Variants in OPA1 observed in about 807,000 individuals in gnomAD.
The protein encoded by OPA1 is OPA1 mitochondrial dynamin like GTPase, also known as dynamin-like GTPase OPA1, mitochondrial.
A neutral mutation model predicts 152.9 loss-of-function variants in OPA1; 59 were observed. The ratio of observed to expected loss-of-function variants is 0.39; its 90% CI spans 0.31 to 0.48. OPA1 has a LOEUF of 0.48. Ranked by LOEUF, OPA1 falls within the 20% of genes least tolerant of loss-of-function variation. The pLI, the probability that OPA1 is intolerant of heterozygous loss-of-function variation, is 0.96. For missense variants in OPA1, 1,008 were observed against 1,216.8 expected, an observed-to-expected ratio of 0.83 and a Z score of 2.55; for synonymous variants, 400 against 389.9, an observed-to-expected ratio of 1.03 and a Z score of -0.31.
At chr3:193,616,635 G>T (rs80049615) in intron 3 of OPA1, among the ~76,000 whole-genome samples, 10 of 152,084 alleles carry the variant, frequency 6.6e-5, no homozygotes, top group Non-Finnish European at 1.2e-4. Context: ...TCTTTTCTTA[G>T]TTGGCCACTG....
chr3:193,668,785 G>T, intron 29 of OPA1: 1 of 1,190,124 alleles, frequency 8.4e-7, no homozygotes, highest in Non-Finnish European at 1.1e-6. Context: ...CTTTGTCACT[G>T]TTTGGGGTTG....
chr3:193,644,681 C>G (rs531008243), intron 16 of OPA1, among the ~76,000 whole-genome samples: 1 of 152,076 alleles, frequency 6.6e-6, no homozygotes, highest in African/African-American at 2.4e-5. Context: ...TAAGGCCTGC[C>G]GTGGCATTAA....
intron 6 of OPA1, among the ~76,000 whole-genome samples, chr3:193,625,439 C>T (rs928581755): frequency 5.3e-5 from 8 of 151,634 alleles, no homozygotes; most frequent in African/African-American, 1.9e-4. Context: ...CAAAACAGCT[C>T]ATAAAAAGTG....
intron 11 of OPA1, among the ~76,000 whole-genome samples, chr3:193,642,305 C>T (rs1733901264): frequency 6.6e-6 from 1 of 152,198 alleles, no homozygotes; most frequent in Non-Finnish European, 1.5e-5. Flanking sequence ...GGACAGTCAG[C>T]TCTGTGTTTC....
At chr3:193,628,124 A>AT in intron 7 of OPA1, among the ~76,000 whole-genome samples, 1 of 152,066 alleles carries the variant, frequency 6.6e-6, no homozygotes, top group East Asian at 1.9e-4. Flanking sequence ...AATTCATGAG[A>AT]TTTTTATCAT....
At position 193,596,353 on chromosome 3, in the gene OPA1, TTTC is replaced by T. The variant is rs1487179486; in HGVS notation, c.32+2947_32+2949del. Among the ~76,000 whole-genome samples, 59 of 144,218 alleles carry T rather than the reference TTTC, an allele frequency of 4.1e-4. No homozygotes were observed. In the East Asian group the frequency reaches 4.7e-3, roughly 11 times the overall value. The allele number at this position is 144,218 out of a possible 152,430, so 94.6% of individuals were successfully genotyped here. On this transcript the variant is annotated intron_variant, in intron 1 of 30. Coordinates refer to ENST00000361510, the MANE Select transcript of OPA1 (RefSeq NM_130837.3). Reference sequence around the variant, plus strand: ...TTCCTTTCCTTTTCTTTTCTTTTCTTTTCTTTTCTTAATTTTCTTTTCTTTTCT... The same window carrying T: ...TTCCTTTCCTTTTCTTTTCTTTTCTTTTTTCTTAATTTTCTTTTCTTTTCT...
At chr3:193,647,916 A>T (rs1251720284) in intron 19 of OPA1, among the ~76,000 whole-genome samples, 154 bp from the exon 20 acceptor site, 1 of 152,204 alleles carries the variant, frequency 6.6e-6, no homozygotes, top group Admixed American at 6.5e-5. Context: ...TGCAAAAATG[A>T]AATTCTGAGA....
chr3:193,605,306 A>T (rs1404842921), intron 1 of OPA1, among the ~76,000 whole-genome samples: 1 of 152,196 alleles, frequency 6.6e-6, no homozygotes, highest in African/African-American at 2.4e-5. Context: ...ATTGCCTGTA[A>T]ATCTGGAACA....
chr3:193,628,253 A>G (rs1047684092), intron 7 of OPA1, among the ~76,000 whole-genome samples: 6 of 152,028 alleles, frequency 3.9e-5, no homozygotes, highest in African/African-American at 1.5e-4. Context: ...TTGATGTCTT[A>G]TTAGTAGCAA....
chr3:193,601,687 T>C (rs954191163), intron 1 of OPA1, among the ~76,000 whole-genome samples: 1 of 152,240 alleles, frequency 6.6e-6, no homozygotes, highest in Non-Finnish European at 1.5e-5. Context: ...ATCTTGAGTA[T>C]GTGATGCCTG....
At chr3:193,672,401 C>T (rs1223324266) in intron 29 of OPA1, among the ~76,000 whole-genome samples, 2 of 152,184 alleles carry the variant, frequency 1.3e-5, no homozygotes, top group Non-Finnish European at 2.9e-5. Flanking sequence ...TTTCTGTGAA[C>T]ATTGTATCTG....
chr3:193,616,187 T>C (rs1169784337), intron 3 of OPA1, among the ~76,000 whole-genome samples: 1 of 152,136 alleles, frequency 6.6e-6, no homozygotes, highest in Non-Finnish European at 1.5e-5. Flanking sequence ...GATTTTTTAA[T>C]TTCTTGTAGA....
chr3:193,628,537 C>T (rs1484454196), intron 7 of OPA1: 1 of 152,196 alleles, frequency 6.6e-6, no homozygotes, highest in African/African-American at 2.4e-5. Context: ...GAGGATTCCG[C>T]TCTTTCTCCA....
At chr3:193,627,264 G>A (rs889491333) in intron 7 of OPA1, 2 of 152,076 alleles carry the variant, frequency 1.3e-5, no homozygotes, top group Non-Finnish European at 2.9e-5. Context: ...TCACTTCCTG[G>A]TTTTTCTCAA....
At chr3:193,617,976 C>G in intron 5 of OPA1, 139 bp downstream of exon 5, 1 of 677,138 alleles carries the variant, frequency 1.5e-6, no homozygotes, top group Non-Finnish European at 2.7e-6. Flanking sequence ...ATTAGGCAAA[C>G]TCATTATCCT....
At position 193,644,113 on chromosome 3, in the gene OPA1, C is replaced by A. The variant is rs1199236211; in HGVS notation, c.1608+8C>A. ...GTAGCCAGTCCAAGCAGGGTGAGGT[C>A]AAATTCTTTGTTGCGAGAATAGATT... On this transcript the variant is annotated splice_region_variant and intron_variant, in intron 16 of 30. Coordinates refer to ENST00000361510, the MANE Select transcript of OPA1 (RefSeq NM_130837.3). 7 of 1,613,082 alleles carry A rather than the reference C, an allele frequency of 4.3e-6. No individual in the cohort carries two copies. The highest frequency in any genetic ancestry group is 5.9e-6 in the Non-Finnish European group (7 of 1,179,470).
At chr3:193,673,971 G>C (rs1718463425) in intron 29 of OPA1, among the ~76,000 whole-genome samples, 1 of 152,186 alleles carries the variant, frequency 6.6e-6, no homozygotes, top group South Asian at 2.1e-4. Flanking sequence ...TTGCTCTGCT[G>C]ACTCCCTACG....
chr3:193,603,863 A>G (rs1435514109), intron 1 of OPA1, among the ~76,000 whole-genome samples: 1 of 152,244 alleles, frequency 6.6e-6, no homozygotes, highest in Non-Finnish European at 1.5e-5. Flanking sequence ...ACGAGGGGCC[A>G]CTATTTCTGA....
chr3:193,643,358 AT>A lies in OPA1; in HGVS notation c.1306-10del. On this transcript the variant is annotated splice_polypyrimidine_tract_variant and intron_variant, in intron 13 of 30. Coordinates refer to ENST00000361510, the MANE Select transcript of OPA1 (RefSeq NM_130837.3). ...CAAACTTTAGCATTGTTTTATTTTT[AT>A]TTTTCCTGAGTAGACCATATCCTTA... The A allele has an allele frequency of 6.3e-7, 1 of 1,595,122 alleles. No individual in the cohort carries two copies. Among genetic ancestry groups the A allele is most frequent in the Non-Finnish European group, 8.6e-7 (1 of 1,163,238 alleles).
Sources: allele counts gnomAD v4.1 joint callset (sites outside exome capture counted in the v4.1 genomes callset), GRCh38; gene constraint gnomAD v4.1.1; transcripts MANE v1.5; gene names NCBI Gene and HGNC (gene_info 2026-07-23, HGNC 2026-07-21).